The following PPARGC1A variants were observed in gnomAD, a reference collection of about 807,000 sequenced individuals.
PPARGC1A encodes the protein PPARG coactivator 1 alpha.
Under a neutral mutation model 88.7 loss-of-function variants are expected in PPARGC1A, and 25 were observed. That is an observed-to-expected ratio of 0.28 (90% CI 0.21 to 0.39). The LOEUF is 0.39. PPARGC1A is among the 10% of genes least tolerant of loss of function. PPARGC1A has a pLI of 1.00. For synonymous variants in PPARGC1A, 363 were observed against 355.6 expected (o/e 1.02, Z -0.24); for missense variants, 880 against 968.7 (o/e 0.91, Z 1.22).
chr4:24,383,299 A>G, the PPARGC1A span, among the ~76,000 whole-genome samples: 1 of 152,214 alleles, frequency 6.6e-6, no homozygotes, highest in Non-Finnish European at 1.5e-5. Context: ...ACAATTCCGG[A>G]AACCAAAATG....
the PPARGC1A span, among the ~76,000 whole-genome samples, chr4:24,067,421 G>C: frequency 2.3e-3 from 344 of 152,194 alleles, 1 homozygote; most frequent in African/African-American, 7.8e-3. Flanking sequence ...CCAAAGGGAC[G>C]CCTCTCTCAA....
At chr4:24,387,770 A>AGAGAGAGAGAGAGAGAGAGAG in the PPARGC1A span, among the ~76,000 whole-genome samples, 1 of 58,840 alleles carries the variant, frequency 1.7e-5, no homozygotes, top group Non-Finnish European at 3.1e-5. Flanking sequence ...GAGAGAGAGA[A>AGAGAGAGAGAGAGAGAGAGAG]AGAAAGAAAG....
chr4:24,043,856 T>C, the PPARGC1A span, among the ~76,000 whole-genome samples: 1 of 152,162 alleles, frequency 6.6e-6, no homozygotes, highest in African/African-American at 2.4e-5. Context: ...GAATTTTGTT[T>C]ATTTTTTTTG....
At chr4:24,080,579 A>G in the PPARGC1A span, among the ~76,000 whole-genome samples, 1 of 152,134 alleles carries the variant, frequency 6.6e-6, no homozygotes, top group Non-Finnish European at 1.5e-5. Context: ...CACCCTTGTC[A>G]TGATCCTGGT....
the PPARGC1A span, among the ~76,000 whole-genome samples, chr4:24,284,570 C>A: frequency 1.3e-5 from 2 of 152,172 alleles, no homozygotes; most frequent in East Asian, 1.9e-4. Context: ...GGGAAGTGTG[C>A]GCCCCATTGT....
At chr4:24,012,186 CTAGAG>C in the PPARGC1A span, among the ~76,000 whole-genome samples, 1 of 152,004 alleles carries the variant, frequency 6.6e-6, no homozygotes, top group South Asian at 2.1e-4. Context: ...CGTGAAGTGT[CTAGAG>C]TAATTAATGA....
At chr4:23,979,635 A>G in the PPARGC1A span, among the ~76,000 whole-genome samples, 3 of 152,196 alleles carry the variant, frequency 2.0e-5, no homozygotes, top group East Asian at 5.8e-4. Flanking sequence ...CAGCAGAGCA[A>G]CTTAAAACTT....
intron 2 of PPARGC1A, among the ~76,000 whole-genome samples, chr4:23,838,750 C>T (rs1421326284): frequency 2.0e-5 from 3 of 152,176 alleles, no homozygotes; most frequent in African/African-American, 4.8e-5. Flanking sequence ...TCCCCATGGG[C>T]ATACAGGCTA....
chr4:24,375,573 C>T, the PPARGC1A span, among the ~76,000 whole-genome samples: 2 of 152,168 alleles, frequency 1.3e-5, no homozygotes, highest in Non-Finnish European at 2.9e-5. Flanking sequence ...TAAGCAACTA[C>T]TCTATACCAG....
the PPARGC1A span, among the ~76,000 whole-genome samples, chr4:24,010,879 A>G: frequency 1.2e-3 from 176 of 152,144 alleles, no homozygotes; most frequent in Non-Finnish European, 1.8e-3. Context: ...TCCAAAAACC[A>G]AAACTGAGAT....
Position 23,853,127 on chromosome 4 carries a change from T to C in PPARGC1A, c.235-21376A>G, listed in dbSNP as rs983576117. ...CATTTAGGATACTGGTTTTCTATATTAGAAGAAGGTTTTCATTATAGAAAG... is the reference window on the plus strand; with the variant it reads ...CATTTAGGATACTGGTTTTCTATATCAGAAGAAGGTTTTCATTATAGAAAG... On this transcript the variant is annotated intron_variant, in intron 2 of 12. Transcript: ENST00000264867. Among the ~76,000 whole-genome samples, 3 of 152,294 alleles carry C rather than the reference T, an allele frequency of 2.0e-5. No homozygotes were observed. In the South Asian group the frequency reaches 6.2e-4, roughly 32 times the overall value.
At chr4:24,046,961 G>T in the PPARGC1A span, among the ~76,000 whole-genome samples, 4 of 152,148 alleles carry the variant, frequency 2.6e-5, no homozygotes, top group Non-Finnish European at 5.9e-5. Flanking sequence ...ACATGAATGA[G>T]AAATTCACTC....
intron 7 of PPARGC1A, chr4:23,820,581 T>A (rs752009022): frequency 4.7e-6 from 2 of 421,650 alleles, no homozygotes; most frequent in South Asian, 3.4e-5. Flanking sequence ...AAGAGCATTC[T>A]CTTTTCTCTC....
At chr4:24,255,124 T>A in the PPARGC1A span, among the ~76,000 whole-genome samples, 516 of 152,322 alleles carry the variant, frequency 3.4e-3, 3 homozygotes, top group Non-Finnish European at 3.1e-3. Context: ...ATAAATATAG[T>A]GTAAATATAC....
the PPARGC1A span, among the ~76,000 whole-genome samples, chr4:24,000,105 TC>T: frequency 6.6e-6 from 1 of 152,144 alleles, no homozygotes; most frequent in African/African-American, 2.4e-5. Flanking sequence ...CATTTTCCTT[TC>T]TTTTTTCTTT....
At chr4:23,975,420 CTT>C in the PPARGC1A span, among the ~76,000 whole-genome samples, 47,825 of 149,846 alleles carry the variant, frequency 0.32, 7,753 homozygotes, top group East Asian at 0.42. Flanking sequence ...GCTATTCATT[CTT>C]TTTTTTTTTT....
chr4:24,304,793 A>G, the PPARGC1A span, among the ~76,000 whole-genome samples: 1 of 152,182 alleles, frequency 6.6e-6, no homozygotes, highest in African/African-American at 2.4e-5. Flanking sequence ...GGCCTCCTTC[A>G]TTATAAGGAA....
the PPARGC1A span, among the ~76,000 whole-genome samples, chr4:24,419,387 T>C: frequency 6.4e-4 from 93 of 146,060 alleles, no homozygotes; most frequent in Non-Finnish European, 2.1e-4. Flanking sequence ...GTGTGTCTTA[T>C]GCAACAACAC....
chr4:24,321,326 C>T, the PPARGC1A span, among the ~76,000 whole-genome samples: 1 of 152,288 alleles, frequency 6.6e-6, no homozygotes, highest in Non-Finnish European at 1.5e-5. Flanking sequence ...AACTAACACA[C>T]CCAAAGGCCT....
Sources: gnomAD v4.1 joint callset for allele counts (sites outside exome capture counted in the v4.1 genomes callset) on GRCh38, gnomAD v4.1.1 for gene constraint, MANE v1.5 for transcripts, NCBI Gene and HGNC (gene_info 2026-07-23, HGNC 2026-07-21) for gene names.